TRPC6: variants seen among roughly 807,000 people sequenced by gnomAD.
The protein encoded by TRPC6 is transient receptor potential cation channel subfamily C member 6.
A neutral mutation model predicts 90.7 loss-of-function variants in TRPC6; 55 were observed. That is an observed-to-expected ratio of 0.61 (90% confidence interval 0.49 to 0.76). The LOEUF (loss-of-function observed/expected upper bound fraction) is 0.76, where lower values mean the gene tolerates loss of function less well. Ranked by LOEUF, TRPC6 falls within the 30% of genes least tolerant of loss-of-function variation. The pLI, the probability that TRPC6 is intolerant of heterozygous loss-of-function variation, is 0.00. For synonymous variants in TRPC6, 393 were observed against 393.0 expected (o/e 1.00, Z 0.00); for missense variants, 989 against 1,122.7 (o/e 0.88, Z 1.70).
At chr11:101,567,616 C>T (rs1249153264) in intron 1 of TRPC6, among the ~76,000 whole-genome samples, 2 of 152,164 alleles carry the variant, frequency 1.3e-5, no homozygotes. Flanking sequence ...AACAGGAGAG[C>T]TCTGGCTGGC....
chr11:101,576,558 T>C (rs535477549), intron 1 of TRPC6, among the ~76,000 whole-genome samples: 90 of 152,304 alleles, frequency 5.9e-4, no homozygotes, highest in African/African-American at 2.2e-3. Flanking sequence ...AATTGAAACT[T>C]GGCATATGGA....
intron 10 of TRPC6, among the ~76,000 whole-genome samples, chr11:101,459,564 A>T (rs1187674348): frequency 2.0e-5 from 3 of 152,196 alleles, no homozygotes; most frequent in Non-Finnish European, 4.4e-5. Context: ...TACAATATAT[A>T]ATATACATTT....
At position 101,504,103 on chromosome 11, in the gene TRPC6, G is replaced by C. The variant is rs781441261; in HGVS notation, c.866C>G (p.Ser289Cys). Reference sequence around the variant, plus strand: ...AGCCGTCATGACTGGATCTTCACTAGACAATGACAGGTAAGCCGGACTTGC... The same window carrying C: ...AGCCGTCATGACTGGATCTTCACTACACAATGACAGGTAAGCCGGACTTGC... ...GLASPAYLSLSSEDPVMTALE... is the reference protein window; with the variant it reads ...GLASPAYLSLCSEDPVMTALE... Residue 289 changes from serine to cysteine, a missense_variant, in exon 2 of 13, where the codon TCT (serine) becomes TGT (cysteine). By Grantham distance (112) the Ser-to-Cys change is moderately radical. Around this residue, in one of 4 missense-constraint regions of TRPC6, gnomAD observed 486 missense variants for 591.9 expected, o/e 0.82. Coordinates refer to ENST00000344327, the MANE Select transcript of TRPC6 (RefSeq NM_004621.6). The C allele has an allele frequency of 6.2e-7, 1 of 1,614,050 alleles. No homozygotes were observed. Among genetic ancestry groups the C allele is most frequent in the Non-Finnish European group, 8.5e-7 (1 of 1,179,950 alleles).
rs112423691 is a variant in TRPC6, at chr11:101,481,871, G to A, written c.1510+1078C>T. The stretch of plus-strand genomic sequence containing the variant: ...TCTCCACCCTTATCTCCCATCACTC[G>A]CATCCATAAATGCACCTTGGCTCCT... On this transcript the variant is annotated intron_variant, in intron 5 of 12. Transcript: ENST00000344327. Among the ~76,000 whole-genome samples the A allele has an allele frequency of 1.2e-4, 19 of 152,118 alleles. 1 individual carries two copies. Among genetic ancestry groups the A allele is most frequent in the Admixed American group, 3.9e-4 (6 of 15,266 alleles).
At chr11:101,570,687 C>T (rs991236009) in intron 1 of TRPC6, among the ~76,000 whole-genome samples, 7 of 152,110 alleles carry the variant, frequency 4.6e-5, no homozygotes, top group African/African-American at 9.7e-5. Context: ...ATCCAGTTGG[C>T]GTCATCTCTG....
chr11:101,504,196 C>G lies in TRPC6; in HGVS notation c.773G>C (p.Cys258Ser), dbSNP rs1480010257. Residue 258 changes from cysteine to serine, a missense_variant, in exon 2 of 13, where the codon TGC becomes TCC. Transcript: ENST00000344327. ...CGAGTCATGCTTCTGTTTCTGGTTG[C>G]AGTCATTGCACTTGCAGAAATAATC... ...PHDYFCKCNDCNQKQKHDSFS... is the reference protein window; with the variant it reads ...PHDYFCKCNDSNQKQKHDSFS... 6.2e-7 allele frequency: 1 copy of G among 1,613,988 alleles called. No individual in the cohort carries two copies. Among genetic ancestry groups the G allele is most frequent in the African/African-American group, 1.3e-5 (1 of 74,894 alleles).
intron 10 of TRPC6, among the ~76,000 whole-genome samples, chr11:101,465,684 T>C (rs1280641833): frequency 2.0e-5 from 3 of 152,198 alleles, no homozygotes; most frequent in African/African-American, 4.8e-5. Context: ...AGTTAGAACT[T>C]TCTCTAACCT....
In TRPC6 at chr11:101,576,054, C is replaced by T. The variant is rs569058525; in HGVS notation, c.170+7280G>A. Among the ~76,000 whole-genome samples the T allele has an allele frequency of 4.6e-5, 7 of 152,252 alleles. No individual in the cohort carries two copies. In the East Asian group the frequency reaches 1.2e-3, roughly 25 times the overall value. ...TGCCAGCCCCATGGTCCACGTGTTC[C>T]AGCCCCAAATATATTGGGTTTTGCC... On this transcript the variant is annotated intron_variant, in intron 1 of 12. Coordinates refer to ENST00000344327, the MANE Select transcript of TRPC6 (RefSeq NM_004621.6).
At chr11:101,544,954 C>G (rs1386111983) in intron 1 of TRPC6, among the ~76,000 whole-genome samples, 1 of 152,046 alleles carries the variant, frequency 6.6e-6, no homozygotes, top group African/African-American at 2.4e-5. Context: ...ACTTGGAGCA[C>G]CAGTAGTGCT....
chr11:101,539,377 C>T (rs1861123131), intron 1 of TRPC6, among the ~76,000 whole-genome samples: 1 of 152,196 alleles, frequency 6.6e-6, no homozygotes, highest in South Asian at 2.1e-4. Context: ...CTGCCTGGGC[C>T]TTCTAGTAAA....
intron 1 of TRPC6, among the ~76,000 whole-genome samples, chr11:101,565,542 G>A (rs2136873944): frequency 6.6e-6 from 1 of 152,052 alleles, no homozygotes; most frequent in South Asian, 2.1e-4. Flanking sequence ...GCAACAGGCT[G>A]TTCTTTAAGA....
rs200968766 is a variant in TRPC6 at position 101,583,288 on chromosome 11, C to G, written c.170+46G>C. The G allele has an allele frequency of 2.0e-4, 307 of 1,540,616 alleles. 1 individual carries two copies. The African/African-American group carries it at 3.9e-3, about 20-fold the overall frequency. On this transcript the variant is annotated intron_variant, in intron 1 of 12. Coordinates refer to ENST00000344327, the MANE Select transcript of TRPC6 (RefSeq NM_004621.6). ...CCACTCCTGCGAGCGCACAACCTCCCTCCGCGCAGCCCGCGCCCGATCCGC... is the reference window on the plus strand; with the variant it reads ...CCACTCCTGCGAGCGCACAACCTCCGTCCGCGCAGCCCGCGCCCGATCCGC...
intron 1 of TRPC6, 46 bp downstream of exon 1, chr11:101,583,288 C>CTCCGCGCAGCCCGCGCCCGA: frequency 6.5e-7 from 1 of 1,540,614 alleles, no homozygotes; most frequent in Non-Finnish European, 8.7e-7. Context: ...CACAACCTCC[C>CTCCGCGCAGCCCGCGCCCGA]TCCGCGCAGC....
chr11:101,579,701 C>A (rs912533933), intron 1 of TRPC6, among the ~76,000 whole-genome samples: 1 of 152,132 alleles, frequency 6.6e-6, no homozygotes, highest in African/African-American at 2.4e-5. Context: ...GGGGAGTGTT[C>A]TTTTCTTCTT....
At chr11:101,479,832 GTGTT>G (rs10539236) in intron 5 of TRPC6, among the ~76,000 whole-genome samples, 43,684 of 151,766 alleles carry the variant, frequency 0.29, 7,796 homozygotes, top group African/African-American at 0.51. Context: ...TAATATTCCT[GTGTT>G]TGTTAGGTTG....
At chr11:101,560,765 A>G (rs2136865528) in intron 1 of TRPC6, among the ~76,000 whole-genome samples, 2 of 152,298 alleles carry the variant, frequency 1.3e-5, no homozygotes, top group Middle Eastern at 6.8e-3. Context: ...CCTGAAGAAA[A>G]AAGAATCAGA....
At chr11:101,564,381 G>A (rs962291601) in intron 1 of TRPC6, among the ~76,000 whole-genome samples, 2 of 152,026 alleles carry the variant, frequency 1.3e-5, no homozygotes, top group Non-Finnish European at 2.9e-5. Flanking sequence ...GAATTTTTGA[G>A]CTTTACTATA....
intron 1 of TRPC6, among the ~76,000 whole-genome samples, chr11:101,511,277 T>C (rs1242958092): frequency 1.3e-5 from 2 of 152,140 alleles, no homozygotes; most frequent in Admixed American, 6.5e-5. Flanking sequence ...TACCCTATGC[T>C]CTTCCTCTGG....
intron 1 of TRPC6, among the ~76,000 whole-genome samples, chr11:101,575,569 C>T (rs1257161668): frequency 6.6e-6 from 1 of 152,098 alleles, no homozygotes; most frequent in Non-Finnish European, 1.5e-5. Flanking sequence ...ACCTACAAAG[C>T]ACTTGGAGAA....
Sources: allele counts gnomAD v4.1 joint callset (sites outside exome capture counted in the v4.1 genomes callset), GRCh38; gene constraint gnomAD v4.1.1; regional missense constraint gnomAD v4.1.1; transcripts MANE v1.5; gene names NCBI Gene and HGNC (gene_info 2026-07-23, HGNC 2026-07-21).